The following EXOC6B variants were observed in gnomAD, a reference collection of about 807,000 sequenced individuals.
EXOC6B encodes the protein SEC15 homolog B.
A neutral mutation model predicts 113.5 loss-of-function variants in EXOC6B; 54 were observed. That is an observed-to-expected ratio of 0.48 (90% confidence interval 0.38 to 0.60). The LOEUF is 0.60. Ranked by LOEUF, EXOC6B falls within the 20% of genes least tolerant of loss-of-function variation. EXOC6B has a pLI of 0.00. For missense variants in EXOC6B, 797 were observed against 977.5 expected (o/e 0.82, Z 2.46); for synonymous variants, 357 against 339.0 (o/e 1.05, Z -0.58).
intron 8 of EXOC6B, among the ~76,000 whole-genome samples, chr2:72,517,162 G>A (rs1297102233): frequency 6.6e-6 from 1 of 152,162 alleles, no homozygotes; most frequent in Non-Finnish European, 1.5e-5. Context: ...AATTCTGCTG[G>A]TGTAGTGCAA....
chr2:72,805,029 AATGAAAACCTTC>A (rs1685504749), intron 1 of EXOC6B, among the ~76,000 whole-genome samples: 2 of 152,214 alleles, frequency 1.3e-5, no homozygotes, highest in Non-Finnish European at 2.9e-5. Context: ...GTTGCAATAA[AATGAAAACCTTC>A]TAGAATTCTG....
chr2:72,823,466 AAAAAAAAAAAAAC>A (rs1254757013), intron 1 of EXOC6B, among the ~76,000 whole-genome samples: 17 of 134,554 alleles, frequency 1.3e-4, no homozygotes, highest in Non-Finnish European at 1.8e-4. Context: ...TAAGAAAAAA[AAAAAAAAAAAAAC>A]AAAAAACAAA....
chr2:72,492,253 A>C, intron 16 of EXOC6B, 65 bp downstream of exon 16: 1 of 825,094 alleles, frequency 1.2e-6, no homozygotes, highest in Non-Finnish European at 1.9e-6. Context: ...TTCAGACATA[A>C]GGCCCAGAGC....
intron 20 of EXOC6B, among the ~76,000 whole-genome samples, chr2:72,279,498 G>A (rs1685000098): frequency 6.6e-6 from 1 of 152,152 alleles, no homozygotes; most frequent in Non-Finnish European, 1.5e-5. Context: ...ACATGATTCT[G>A]AGCTACAGAC....
At chr2:72,571,276 A>G (rs1383332853) in intron 7 of EXOC6B, among the ~76,000 whole-genome samples, 2 of 152,152 alleles carry the variant, frequency 1.3e-5, no homozygotes, top group Non-Finnish European at 2.9e-5. Flanking sequence ...TTGGCTGGGT[A>G]TGGTGGCTCA....
At chr2:72,505,333 T>TGACCTCCTATGCCACC (rs934868642) in intron 11 of EXOC6B, among the ~76,000 whole-genome samples, 1 of 152,144 alleles carries the variant, frequency 6.6e-6, no homozygotes, top group Non-Finnish European at 1.5e-5. Flanking sequence ...TTCTATCCAA[T>TGACCTCCTATGCCACC]GACCTCCTAT....
chr2:72,644,131 C>T (rs186062653), intron 6 of EXOC6B, among the ~76,000 whole-genome samples: 54 of 152,188 alleles, frequency 3.5e-4, no homozygotes, highest in African/African-American at 1.3e-3. Context: ...AACCATGGCA[C>T]GAGAACTACG....
At chr2:72,811,959 C>T (rs1321875570) in intron 1 of EXOC6B, among the ~76,000 whole-genome samples, 1 of 152,160 alleles carries the variant, frequency 6.6e-6, no homozygotes, top group Non-Finnish European at 1.5e-5. Flanking sequence ...TGAGAAAAGA[C>T]TGAATGCTTT....
intron 7 of EXOC6B, among the ~76,000 whole-genome samples, chr2:72,561,836 C>T (rs1703902935): frequency 6.6e-6 from 1 of 152,134 alleles, no homozygotes; most frequent in African/African-American, 2.4e-5. Context: ...TTCAAACTGG[C>T]TAAAGTGCTC....
At chr2:72,201,463 C>G (rs564624433) in intron 20 of EXOC6B, among the ~76,000 whole-genome samples, 2 of 152,038 alleles carry the variant, frequency 1.3e-5, no homozygotes, top group African/African-American at 4.8e-5. Context: ...TTTAGTGAAC[C>G]AGCTTAAATA....
intron 19 of EXOC6B, among the ~76,000 whole-genome samples, chr2:72,341,254 A>G (rs1027866680): frequency 6.6e-6 from 1 of 152,168 alleles, no homozygotes; most frequent in African/African-American, 2.4e-5. Context: ...ACTGTATTGA[A>G]TACCTAAAAA....
intron 16 of EXOC6B, among the ~76,000 whole-genome samples, chr2:72,489,816 G>A (rs1434598683): frequency 2.0e-5 from 3 of 152,122 alleles, no homozygotes; most frequent in South Asian, 2.1e-4. Flanking sequence ...ATGTTCTAGT[G>A]GTGCTAAAAC....
intron 5 of EXOC6B, among the ~76,000 whole-genome samples, chr2:72,724,258 C>G (rs1680174795): frequency 6.6e-6 from 1 of 152,056 alleles, no homozygotes; most frequent in South Asian, 2.1e-4. Context: ...CTTCCACAAT[C>G]TCAGACAAGG....
intron 6 of EXOC6B, among the ~76,000 whole-genome samples, chr2:72,680,762 G>T (rs1309164775): frequency 6.6e-6 from 1 of 151,504 alleles, no homozygotes; most frequent in Non-Finnish European, 1.5e-5. Flanking sequence ...AAAAAAAGGA[G>T]CACTCCAATC....
intron 18 of EXOC6B, among the ~76,000 whole-genome samples, chr2:72,383,851 C>T (rs1691836389): frequency 6.6e-6 from 1 of 152,020 alleles, no homozygotes; most frequent in Non-Finnish European, 1.5e-5. Flanking sequence ...TTTGCAGCAA[C>T]ATGGAAGGCA....
At chr2:72,558,433 CA>C (rs1181196957) in intron 8 of EXOC6B, among the ~76,000 whole-genome samples, 4 of 152,068 alleles carry the variant, frequency 2.6e-5, no homozygotes, top group Admixed American at 1.3e-4. Context: ...CTCAGTATCC[CA>C]AATTGTCAGG....
intron 8 of EXOC6B, among the ~76,000 whole-genome samples, chr2:72,552,574 A>C (rs952318821): frequency 2.6e-5 from 4 of 152,108 alleles, no homozygotes; most frequent in African/African-American, 9.7e-5. Flanking sequence ...CCAAAAATGA[A>C]AATTTCAGGG....
intron 5 of EXOC6B, among the ~76,000 whole-genome samples, chr2:72,729,392 G>C (rs1051336725): frequency 1.1e-4 from 16 of 148,968 alleles, no homozygotes; most frequent in Non-Finnish European, 2.1e-4. Context: ...TGTTAATTCT[G>C]AGAAGTTGGT....
intron 8 of EXOC6B, among the ~76,000 whole-genome samples, chr2:72,552,397 G>T (rs141339039): frequency 7.4e-4 from 112 of 152,208 alleles, no homozygotes; most frequent in African/African-American, 2.6e-3. Flanking sequence ...TCAGTGTGTG[G>T]CAAAGGAAAA....
Sources: allele counts gnomAD v4.1 joint callset (sites outside exome capture counted in the v4.1 genomes callset), GRCh38; gene constraint gnomAD v4.1.1; transcripts MANE v1.5; gene names NCBI Gene and HGNC (gene_info 2026-07-23, HGNC 2026-07-21).